FIGNL1: variants seen among roughly 807,000 people sequenced by gnomAD.
FIGNL1 encodes fidgetin-like protein 1.
In FIGNL1, 11 loss-of-function variants were observed where a neutral mutation model predicts 28.9. The ratio of observed to expected loss-of-function variants is 0.38; its 90% confidence interval spans 0.24 to 0.63. The LOEUF (loss-of-function observed/expected upper bound fraction) is 0.63. Among genes scored for constraint, FIGNL1 ranks in the 20% least tolerant of loss-of-function variants. The pLI is 0.57. For missense variants in FIGNL1, 789 were observed against 810.4 expected, an observed-to-expected ratio of 0.97 and a Z score of 0.32; for synonymous variants, 295 against 276.5, an observed-to-expected ratio of 1.07 and a Z score of -0.66.
At position 50,444,488 on chromosome 7, in the gene FIGNL1, G is replaced by A. The variant is rs987347160; in HGVS notation, c.*775C>T. On this transcript the variant is annotated 3_prime_UTR_variant, in exon 4 of 4. Coordinates refer to ENST00000433017, the MANE Select transcript of FIGNL1 (RefSeq NM_001287492.4). ...TCCCGCAAAGTGGTAGGATAATAGTGACTTTTATTCTTTTTACTTATCTCT... is the reference window on the plus strand; with the variant it reads ...TCCCGCAAAGTGGTAGGATAATAGTAACTTTTATTCTTTTTACTTATCTCT... The A allele has an allele frequency of 5.9e-5, 9 of 152,200 alleles. 1 individual carries two copies. The highest frequency in any genetic ancestry group is 4.6e-4 in the Admixed American group (7 of 15,286). The allele number at this position is 152,200 out of a possible 1,614,324, so 9.4% of individuals were successfully genotyped here.
chr7:50,446,636 T>C lies in FIGNL1; in HGVS notation c.652A>G (p.Thr218Ala). Residue 218 changes from threonine to alanine, a missense_variant, in exon 4 of 4, where the codon ACA becomes GCA. Transcript: ENST00000433017. ...GESATAKFHV[T>A]PLFGNVKKEN... Reference sequence around the variant, plus strand: ...TTTTTGACATTTCCAAACAATGGTGTGACATGGAATTTTGCAGTAGCTGAC... The same window carrying C: ...TTTTTGACATTTCCAAACAATGGTGCGACATGGAATTTTGCAGTAGCTGAC... The C allele has an allele frequency of 6.2e-7, 1 of 1,614,142 alleles. No individual in the cohort carries two copies. Among genetic ancestry groups the C allele is most frequent in the Non-Finnish European group, 8.5e-7 (1 of 1,180,034 alleles).
Position 50,445,562 on chromosome 7 carries a change from T to C in FIGNL1, c.1726A>G (p.Ile576Val), listed in dbSNP as rs2153527763. Residue 576 changes from isoleucine to valine, a missense_variant, in exon 4 of 4, where the codon ATA becomes GTA. By Grantham distance (29) the Ile-to-Val change is conservative (BLOSUM62 3). Coordinates refer to ENST00000433017, the MANE Select transcript of FIGNL1 (RefSeq NM_001287492.4). ...TCTTTGGACATTAGATTAATTACTA[T>C]CTGTTTCCTGGCTGAAGCTTCTGGG... ...PLPEASARKQ[I>V]VINLMSKEQC... 1 of 1,614,202 alleles carries C rather than the reference T, an allele frequency of 6.2e-7. No homozygotes were observed. Among genetic ancestry groups the C allele is most frequent in the Non-Finnish European group, 8.5e-7 (1 of 1,180,028 alleles).
chr7:50,447,448 A>C, intron 3 of FIGNL1, 151 bp from the exon 4 acceptor site: 1 of 549,710 alleles, frequency 1.8e-6, no homozygotes, highest in Non-Finnish European at 3.1e-6. Flanking sequence ...TAAGAGAAAT[A>C]TCTAGTTAAC....
intron 3 of FIGNL1, 149 bp from the exon 4 acceptor site, chr7:50,447,446 A>G (rs1025310924): frequency 3.1e-5 from 17 of 549,734 alleles, no homozygotes; most frequent in African/African-American, 2.9e-4. Flanking sequence ...TATAAGAGAA[A>G]TATCTAGTTA....
In FIGNL1 at chr7:50,445,333, C is replaced by T. The variant is rs370362313; in HGVS notation, c.1955G>A (p.Arg652Gln). The T allele has an allele frequency of 6.9e-5, 111 of 1,612,336 alleles. No individual in the cohort carries two copies. The highest frequency in any genetic ancestry group is 3.0e-4 in the Admixed American group (18 of 59,636). The change falls in exon 4 of 4, where the codon CGA becomes CAA. Residue 652 changes from arginine to glutamine, a missense_variant. Transcript: ENST00000433017. ...IDFENAFRTV[R>Q]PSVSPKDLEL... ...TAAATCTTTTGGAGAAACACTAGGT[C>T]GCACAGTTCTAAAAGCATTTTCAAA...
rs1440444059 is a variant in FIGNL1 at position 50,447,243 on chromosome 7, C to T, written c.45G>A (p.Gln15=). Residue 15 remains glutamine, a synonymous_variant, in exon 4 of 4, where the codon CAG becomes CAA. Coordinates refer to ENST00000433017, the MANE Select transcript of FIGNL1 (RefSeq NM_001287492.4). The part of the protein sequence containing the change: ...SSRSVHLSEW[Q]KNYFAITSGI... ...CAGATGTAATTGCGAAGTAATTCTT[C>T]TGCCATTCACTCAGGTGCACAGATC... 6.2e-7 allele frequency: 1 copy of T among 1,610,512 alleles called. No homozygotes were observed. Among genetic ancestry groups the T allele is most frequent in the Admixed American group, 1.7e-5 (1 of 59,978 alleles).
rs1315942386 is a variant in FIGNL1, at chr7:50,448,302, T to C, written c.-119-13A>G. ...TGATGCTGCTATCCTAGGTCACAGA[T>C]TGAACAGCATGGATCACAAATTTAA... On this transcript the variant is annotated splice_polypyrimidine_tract_variant and intron_variant, in intron 2 of 3. Coordinates refer to ENST00000433017, the MANE Select transcript of FIGNL1 (RefSeq NM_001287492.4). 6.6e-6 allele frequency: 1 copy of C among 152,210 alleles called. No homozygotes were observed. Among genetic ancestry groups the C allele is most frequent in the African/African-American group, 2.4e-5 (1 of 41,440 alleles). The allele number at this position is 152,210 out of a possible 1,614,324, so 9.4% of individuals were successfully genotyped here. A position where few individuals can be genotyped will look rare whatever the true frequency, so the allele number is the denominator to read the frequency against.
chr7:50,447,020 C>T lies in FIGNL1; in HGVS notation c.268G>A (p.Ala90Thr). The T allele has an allele frequency of 6.2e-7, 1 of 1,614,224 alleles. No individual in the cohort carries two copies. The highest frequency in any genetic ancestry group is 8.5e-7 in the Non-Finnish European group (1 of 1,180,042). Residue 90 changes from alanine to threonine, a missense_variant, in exon 4 of 4, where the codon GCA (alanine) becomes ACA (threonine). By Grantham distance (58) the Ala-to-Thr change is moderately conservative. Coordinates refer to ENST00000433017, the MANE Select transcript of FIGNL1 (RefSeq NM_001287492.4). ...TCACTATCTGTTTGTTGAGATCCTGCCAAAGTTAAAATGTTTTCTGCATAA... is the reference window on the plus strand; with the variant it reads ...TCACTATCTGTTTGTTGAGATCCTGTCAAAGTTAAAATGTTTTCTGCATAA... ...NNYAENILTL[A>T]GSQQTDSDKW...
chr7:50,446,005 G>C lies in FIGNL1; in HGVS notation c.1283C>G (p.Thr428Ser). The change falls in exon 4 of 4, where the codon ACT becomes AGT. Residue 428 changes from threonine to serine, a missense_variant. By Grantham distance (58) the Thr-to-Ser change is moderately conservative. Transcript: ENST00000433017. ...TCCTTTAGGGGGTCCCCTTAAACCA[G>C]TAAAGATGTCTGGCCTCAACATGGG... ...VWPMLRPDIF[T>S]GLRGPPKGIL... 2 of 1,614,162 alleles carry C rather than the reference G, an allele frequency of 1.2e-6. No individual in the cohort carries two copies. Among genetic ancestry groups the C allele is most frequent in the Non-Finnish European group, 1.7e-6 (2 of 1,180,032 alleles).
chr7:50,446,669 C>T lies in FIGNL1; in HGVS notation c.619G>A (p.Val207Ile). Residue 207 changes from valine (V) to isoleucine (I), a missense_variant, in exon 4 of 4, where the codon GTA (valine) becomes ATA (isoleucine). Transcript: ENST00000433017. ...ARTCPTFSAP[V>I]GESATAKFHV... ...AATTTTGCAGTAGCTGACTCACCTACAGGTGCTGAGAATGTAGGACAAGTC... is the reference window on the plus strand; with the variant it reads ...AATTTTGCAGTAGCTGACTCACCTATAGGTGCTGAGAATGTAGGACAAGTC... The T allele has an allele frequency of 6.2e-7, 1 of 1,614,232 alleles. No homozygotes were observed. The highest frequency in any genetic ancestry group is 8.5e-7 in the Non-Finnish European group (1 of 1,180,048).
At position 50,446,141 on chromosome 7, in the gene FIGNL1, T is replaced by C. The variant is rs745868664; in HGVS notation, c.1147A>G (p.Met383Val). ...DERLKNLEPK[M>V]IELIMNEIMD... The stretch of plus-strand genomic sequence containing the variant: ...ATCTCATTCATAATAAGTTCAATCA[T>C]CTTTGGCTCCAAGTTCTTCAGACGC... Residue 383 changes from methionine (M) to valine (V), a missense_variant, in exon 4 of 4, where the codon ATG becomes GTG. By Grantham distance (21) the Met-to-Val change is conservative. Transcript: ENST00000433017. 3.1e-6 allele frequency: 5 copies of C among 1,614,240 alleles called. No individual in the cohort carries two copies. The highest frequency in any genetic ancestry group is 2.2e-5 in the East Asian group (1 of 44,894).
chr7:50,447,475 T>G, intron 3 of FIGNL1, 178 bp from the exon 4 acceptor site: 1 of 455,176 alleles, frequency 2.2e-6, no homozygotes, highest in East Asian at 3.3e-5. Context: ...TTTCAAGTAT[T>G]CAAGACATAT....
chr7:50,446,555 G>A lies in FIGNL1; in HGVS notation c.733C>T (p.Gln245Ter). ...TCACAGGCAGCAGGAAAACAAGACT[G>A]GTTAGATAAGAACACATTAAGTCCT... is the stretch of plus-strand genomic sequence containing the variant. ...NIGLNVFLSNQSCFPAACENP... is the reference protein window; with the variant it reads ...NIGLNVFLSN Residue 245 changes from glutamine (Q) to a stop codon, truncating the protein, a stop_gained, in exon 4 of 4, where the codon CAG becomes TAG. Transcript: ENST00000433017. LOFTEE classifies it low-confidence loss of function (END_TRUNC). The A allele has an allele frequency of 6.2e-7, 1 of 1,614,112 alleles. No individual in the cohort carries two copies. The highest frequency in any genetic ancestry group is 8.5e-7 in the Non-Finnish European group (1 of 1,180,032).
At position 50,446,019 on chromosome 7, in the gene FIGNL1, C is replaced by T. The variant is rs1439620874; in HGVS notation, c.1269G>A (p.Arg423=). ...IKEIVVWPML[R]PDIFTGLRGP... ...CCCTTAAACCAGTAAAGATGTCTGG[C>T]CTCAACATGGGCCACACAACTATTT... The change falls in exon 4 of 4, where the codon AGG becomes AGA. Residue 423 remains arginine, a synonymous_variant. Transcript: ENST00000433017. The T allele has an allele frequency of 3.7e-6, 6 of 1,614,058 alleles. No individual in the cohort carries two copies. The African/African-American group carries it at 8.0e-5, about 22-fold the overall frequency.
rs772321284 is a variant in FIGNL1 at position 50,446,056 on chromosome 7, G to A, written c.1232C>T (p.Ala411Val). 6.2e-7 allele frequency: 1 copy of A among 1,614,166 alleles called. No homozygotes were observed. The change falls in exon 4 of 4, where the codon GCC (alanine) becomes GTC (valine). Residue 411 changes from alanine (A) to valine (V), a missense_variant. Physicochemically the swap from Ala to Val is moderately conservative, Grantham distance 64. Coordinates refer to ENST00000433017, the MANE Select transcript of FIGNL1 (RefSeq NM_001287492.4). ...EDIAGVEFAK[A>V]TIKEIVVWPM... ...CCACACAACTATTTCCTTTATGGTGGCTTTAGCAAATTCTACTCCTGCAAT... is the reference window on the plus strand; with the variant it reads ...CCACACAACTATTTCCTTTATGGTGACTTTAGCAAATTCTACTCCTGCAAT...
At position 50,445,813 on chromosome 7, in the gene FIGNL1, T is replaced by C. The variant is rs1449382756; in HGVS notation, c.1475A>G (p.Gln492Arg). ...VRALFAVARC[Q>R]QPAVIFIDEI... ...GTCAATAAATATCACAGCTGGTTGCTGACACCTTGCAACAGCAAACAATGC... is the reference window on the plus strand; with the variant it reads ...GTCAATAAATATCACAGCTGGTTGCCGACACCTTGCAACAGCAAACAATGC... The change falls in exon 4 of 4, where the codon CAG becomes CGG. Residue 492 changes from glutamine to arginine, a missense_variant. By Grantham distance (43) the Gln-to-Arg change is conservative (BLOSUM62 1). Coordinates refer to ENST00000433017, the MANE Select transcript of FIGNL1 (RefSeq NM_001287492.4). The C allele has an allele frequency of 6.2e-7, 1 of 1,614,250 alleles. No homozygotes were observed.
At chr7:50,449,033 A>G (rs771899355) in intron 2 of FIGNL1, 85 bp downstream of exon 2, 2 of 152,204 alleles carry the variant, frequency 1.3e-5, no homozygotes, top group African/African-American at 4.8e-5. Context: ...CTTGACACAA[A>G]CTTTCACAAT....
chr7:50,445,635 A>G lies in FIGNL1; in HGVS notation c.1653T>C (p.Ile551=), dbSNP rs781587853. ...VVGATNRPQE[I]DEAARRRLVK... ...CCAATCTTCTCCGGGCAGCCTCATC[A>G]ATTTCTTGTGGCCGATTTGTTGCTC... Residue 551 remains isoleucine (I), a synonymous_variant, in exon 4 of 4, where the codon ATT becomes ATC. Transcript: ENST00000433017. The G allele has an allele frequency of 1.5e-5, 25 of 1,614,096 alleles. No homozygotes were observed. In the South Asian group the frequency reaches 2.2e-4, roughly 14 times the overall value.
At position 50,447,118 on chromosome 7, in the gene FIGNL1, T is replaced by A; in HGVS notation, c.170A>T (p.Lys57Ile). The change falls in exon 4 of 4, where the codon AAA becomes ATA. Residue 57 changes from lysine to isoleucine, a missense_variant. Coordinates refer to ENST00000433017, the MANE Select transcript of FIGNL1 (RefSeq NM_001287492.4). The part of the protein sequence containing the change: ...NSEISQVCAT[K>I]LFKKYAEKYS... ...TTTCTCTGCATATTTTTTGAACAGT[T>A]TGGTAGCACAGACCTGGGAAATCTC... 1 of 1,614,246 alleles carries A rather than the reference T, an allele frequency of 6.2e-7. No individual in the cohort carries two copies. The highest frequency in any genetic ancestry group is 8.5e-7 in the Non-Finnish European group (1 of 1,180,046).
Sources: gnomAD v4.1 joint callset for allele counts on GRCh38, gnomAD v4.1.1 for gene constraint, MANE v1.5 for transcripts, NCBI Gene and HGNC (gene_info 2026-07-23, HGNC 2026-07-21) for gene names.